The following TCF25 variants were observed in gnomAD, a reference collection of about 807,000 sequenced individuals.
TCF25 encodes the protein TCF25 ribosome quality control complex subunit.
Under a neutral mutation model 83.1 loss-of-function variants are expected in TCF25, and 41 were observed. The observed-to-expected ratio is 0.49, with a 90% CI of 0.38 to 0.64. The LOEUF (loss-of-function observed/expected upper bound fraction) is 0.64, where lower values mean the gene tolerates loss of function less well. TCF25 is among the 30% of genes least tolerant of loss of function. TCF25 has a pLI of 0.00. For missense variants in TCF25, 979 were observed against 914.5 expected, an observed-to-expected ratio of 1.07 and a Z score of -0.91; for synonymous variants, 458 against 365.0, an observed-to-expected ratio of 1.25 and a Z score of -2.90.
chr16:89,894,000 G>C, intron 7 of TCF25, 142 bp downstream of exon 7: 1 of 1,250,192 alleles, frequency 8.0e-7, no homozygotes, highest in Non-Finnish European at 1.1e-6. Flanking sequence ...CTGCAGGGCG[G>C]TCTGGCCCTG....
At chr16:89,894,053 C>T (rs922079238) in intron 7 of TCF25, 195 bp downstream of exon 7, 1 of 772,298 alleles carries the variant, frequency 1.3e-6, no homozygotes, top group Non-Finnish European at 2.0e-6. Context: ...GCCAAGCGAG[C>T]TCCATCCATA....
At chr16:89,896,843 C>T (rs1158163249) in intron 9 of TCF25, among the ~76,000 whole-genome samples, 1 of 152,054 alleles carries the variant, frequency 6.6e-6, no homozygotes, top group Non-Finnish European at 1.5e-5. Context: ...CGTGAGCCAC[C>T]GCGCCCGGCC....
At chr16:89,878,665 G>T in intron 1 of TCF25, 1 of 1,083,790 alleles carries the variant, frequency 9.2e-7, no homozygotes, top group Non-Finnish European at 1.1e-6. Context: ...TTTTGAGACG[G>T]AGTCTTGCGC....
intron 12 of TCF25, among the ~76,000 whole-genome samples, chr16:89,902,688 CAAAAAAAAAGAAAA>C (rs886424425): frequency 1.1e-4 from 12 of 107,150 alleles, no homozygotes; most frequent in Admixed American, 8.0e-4. Context: ...GACTCCGTCT[CAAAAAAAAAGAAAA>C]AAAAAAAAAG....
chr16:89,900,203 C>T (rs564655505), intron 11 of TCF25, among the ~76,000 whole-genome samples: 1 of 152,144 alleles, frequency 6.6e-6, no homozygotes, highest in East Asian at 1.9e-4. Flanking sequence ...GAAACTGGCA[C>T]GGTGGTAGAC....
Position 89,895,032 on chromosome 16 carries a change from T to C in TCF25, c.829-6T>C. ...TTTCCTCCAGGGCTGTCCTCCCTTC[T>C]GGTAGGTTCTGCTCCAGACGAGCCC... On this transcript the variant is annotated splice_polypyrimidine_tract_variant and splice_region_variant and intron_variant, in intron 7 of 17. Transcript: ENST00000263346. 1 of 1,612,256 alleles carries C rather than the reference T, an allele frequency of 6.2e-7. No individual in the cohort carries two copies. The highest frequency in any genetic ancestry group is 8.5e-7 in the Non-Finnish European group (1 of 1,178,938).
chr16:89,878,373 G>A (rs2143928761), intron 1 of TCF25: 1 of 1,163,340 alleles, frequency 8.6e-7, no homozygotes, highest in South Asian at 1.6e-5. Context: ...ACCACCTGAG[G>A]TCAGGAGTTC....
intron 16 of TCF25, among the ~76,000 whole-genome samples, chr16:89,908,170 CACCT>C: frequency 7.0e-6 from 1 of 143,846 alleles, no homozygotes. Flanking sequence ...TCCCAGCTCC[CACCT>C]TCCAGCTCCC....
intron 12 of TCF25, 108 bp from the exon 13 acceptor site, chr16:89,904,010 C>G (rs2044566777): frequency 4.5e-6 from 5 of 1,120,328 alleles, no homozygotes; most frequent in Non-Finnish European, 6.5e-6. Context: ...CACCTTAGAA[C>G]AGCTGTGTCT....
At chr16:89,910,803 C>A in intron 17 of TCF25, 140 bp downstream of exon 17, 1 of 1,048,144 alleles carries the variant, frequency 9.5e-7, no homozygotes, top group Non-Finnish European at 1.4e-6. Context: ...TGCATTGTGC[C>A]AGTGGGGTGC....
chr16:89,887,394 G>A (rs897850485), intron 4 of TCF25, among the ~76,000 whole-genome samples: 5 of 152,102 alleles, frequency 3.3e-5, no homozygotes, highest in Admixed American at 2.6e-4. Flanking sequence ...AGAAACAGAC[G>A]TGTGCCACAC....
intron 4 of TCF25, among the ~76,000 whole-genome samples, chr16:89,886,658 G>A (rs8058639): frequency 0.38 from 57,218 of 151,208 alleles, 12,761 homozygotes; most frequent in African/African-American, 0.63. Context: ...GCTACTCAGG[G>A]GGCTGAGGCC....
intron 14 of TCF25, 143 bp downstream of exon 14, chr16:89,905,239 A>G (rs2044679458): frequency 1.6e-6 from 2 of 1,227,888 alleles, no homozygotes; most frequent in East Asian, 5.1e-5. Flanking sequence ...GGAGCCTACA[A>G]GACAGCGCAC....
chr16:89,904,375 T>C, intron 13 of TCF25, 170 bp downstream of exon 13: 3 of 722,362 alleles, frequency 4.2e-6, no homozygotes, highest in Non-Finnish European at 4.7e-6. Flanking sequence ...GGAGCCCTCA[T>C]CTGTGTGGAA....
At chr16:89,889,562 T>C (rs932912945) in intron 5 of TCF25, 37 of 160,812 alleles carry the variant, frequency 2.3e-4, no homozygotes, top group Non-Finnish European at 4.7e-4. Context: ...CTTTTTTTTT[T>C]TTTTCGAGAC....
rs764780103 is a variant in TCF25 at position 89,906,289 on chromosome 16, G to A, written c.1719+5G>A. On this transcript the variant is annotated splice_donor_5th_base_variant and intron_variant, in intron 15 of 17. Transcript: ENST00000263346. Reference sequence around the variant, plus strand: ...GCCGTCGCTGCCCTGCCCCCGGTAAGGGAGAAAGGCTGAAATGGGAGCTCT... The same window carrying A: ...GCCGTCGCTGCCCTGCCCCCGGTAAAGGAGAAAGGCTGAAATGGGAGCTCT... 12 of 1,612,468 alleles carry A rather than the reference G, an allele frequency of 7.4e-6. No homozygotes were observed. The highest frequency in any genetic ancestry group is 1.6e-4 in the Middle Eastern group (1 of 6,080).
At chr16:89,887,565 C>G (rs992271568) in intron 4 of TCF25, 87 bp from the exon 5 acceptor site, 1 of 1,312,852 alleles carries the variant, frequency 7.6e-7, no homozygotes, top group Admixed American at 2.9e-5. Flanking sequence ...GTGTTCTCTC[C>G]TTGACTATTA....
chr16:89,884,174 C>T (rs1054738055), intron 2 of TCF25: 15 of 195,220 alleles, frequency 7.7e-5, no homozygotes, highest in Non-Finnish European at 1.5e-4. Context: ...TCCTGAGGAG[C>T]CTTCCTACTG....
intron 16 of TCF25, among the ~76,000 whole-genome samples, chr16:89,908,799 C>G (rs1282393789): frequency 2.1e-5 from 3 of 140,242 alleles, no homozygotes; most frequent in African/African-American, 3.1e-5. Flanking sequence ...TTCCACCTCC[C>G]AGCTCCCACC....
Sources: gnomAD v4.1 joint callset for allele counts (sites outside exome capture counted in the v4.1 genomes callset) on GRCh38, gnomAD v4.1.1 for gene constraint, MANE v1.5 for transcripts, NCBI Gene and HGNC (gene_info 2026-07-23, HGNC 2026-07-21) for gene names.